Variants in CDH10 observed in about 807,000 individuals in gnomAD.
The protein encoded by CDH10 is cadherin-10.
CDH10 carries 30 observed loss-of-function variants against 73.1 expected under a neutral mutation model. That is an observed-to-expected ratio of 0.41 (90% confidence interval 0.31 to 0.56). CDH10 has a LOEUF of 0.56. Among genes scored for constraint, CDH10 ranks in the 20% least tolerant of loss-of-function variants. CDH10 has a pLI of 0.27. For missense variants in CDH10, 815 were observed against 973.7 expected (o/e 0.84, Z 2.17); for synonymous variants, 345 against 348.2 (o/e 0.99, Z 0.10).
Position 24,640,264 on chromosome 5 carries a change from A to T in CDH10, c.-124+4330T>A, listed in dbSNP as rs185998832. On this transcript the variant is annotated intron_variant, in intron 1 of 11. Coordinates refer to ENST00000264463, the MANE Select transcript of CDH10 (RefSeq NM_006727.5). ...GGAAGGAGAGAAAAGGAAAAAAGAGAGGGAGATGGAAATAGATATAGATTT... is the reference window on the plus strand; with the variant it reads ...GGAAGGAGAGAAAAGGAAAAAAGAGTGGGAGATGGAAATAGATATAGATTT... Among the ~76,000 whole-genome samples the T allele has an allele frequency of 3.3e-5, 5 of 151,718 alleles. No individual in the cohort carries two copies. In the East Asian group the frequency reaches 9.7e-4, roughly 29 times the overall value.
At chr5:24,509,531 G>A (rs1742819458) in intron 7 of CDH10, 35 bp downstream of exon 7, 1 of 1,605,472 alleles carries the variant, frequency 6.2e-7, no homozygotes, top group Non-Finnish European at 8.5e-7. Flanking sequence ...GAGCCACCGA[G>A]CCCGGCTGTT....
chr5:24,586,013 G>A (rs1043735844), intron 2 of CDH10, among the ~76,000 whole-genome samples: 25 of 152,188 alleles, frequency 1.6e-4, no homozygotes, highest in African/African-American at 4.8e-4. Context: ...ACATTTTTTG[G>A]GGTGGTATTT....
intron 2 of CDH10, among the ~76,000 whole-genome samples, chr5:24,549,830 G>C (rs1175554506): frequency 1.3e-5 from 2 of 152,070 alleles, no homozygotes; most frequent in African/African-American, 4.8e-5. Flanking sequence ...GAGATTACAG[G>C]CGTGAGCCAC....
intron 1 of CDH10, among the ~76,000 whole-genome samples, chr5:24,596,680 T>G (rs1277374356): frequency 6.6e-6 from 1 of 151,972 alleles, no homozygotes; most frequent in Non-Finnish European, 1.5e-5. Flanking sequence ...ATTTCAACCC[T>G]GATATGTAAC....
In CDH10 at chr5:24,487,550, A is replaced by C; in HGVS notation, c.*113T>G. 1.0e-6 allele frequency: 1 copy of C among 996,828 alleles called. No homozygotes were observed. The highest frequency in any genetic ancestry group is 2.4e-4 in the Middle Eastern group (1 of 4,194). 61.7% of individuals were successfully genotyped at this position (996,828 alleles called of 1,614,324 possible). A position where few individuals can be genotyped will look rare whatever the true frequency, so the allele number is the denominator to read the frequency against. Reference sequence around the variant, plus strand: ...ATGAACAAATTAAGAAGTAAATGAGAAAAAAAATTGTGCTGACTGGCAGGA... The same window carrying C: ...ATGAACAAATTAAGAAGTAAATGAGCAAAAAAATTGTGCTGACTGGCAGGA... On this transcript the variant is annotated 3_prime_UTR_variant, in exon 12 of 12. Coordinates refer to ENST00000264463, the MANE Select transcript of CDH10 (RefSeq NM_006727.5).
intron 2 of CDH10, among the ~76,000 whole-genome samples, chr5:24,560,856 T>G (rs1744935130): frequency 6.6e-6 from 1 of 152,168 alleles, no homozygotes; most frequent in African/African-American, 2.4e-5. Flanking sequence ...CTGTGGTGTT[T>G]TACATATATT....
intron 11 of CDH10, among the ~76,000 whole-genome samples, chr5:24,490,889 A>G (rs556054107): frequency 9.2e-5 from 14 of 152,200 alleles, no homozygotes; most frequent in Admixed American, 2.6e-4. Context: ...TGTTATTCTA[A>G]CAAATGTTAT....
chr5:24,534,986 T>A (rs1743893108), intron 5 of CDH10, 126 bp downstream of exon 5: 2 of 856,968 alleles, frequency 2.3e-6, no homozygotes, highest in South Asian at 3.9e-5. Context: ...TACTTTTGTA[T>A]CACATTTTCA....
intron 5 of CDH10, among the ~76,000 whole-genome samples, chr5:24,513,429 T>C (rs1742992997): frequency 6.6e-6 from 1 of 152,064 alleles, no homozygotes; most frequent in South Asian, 2.1e-4. Context: ...CAAAGCTGAC[T>C]GTTTGTTGGG....
intron 1 of CDH10, among the ~76,000 whole-genome samples, chr5:24,616,415 G>T (rs909382098): frequency 6.6e-5 from 10 of 151,952 alleles, no homozygotes; most frequent in African/African-American, 2.2e-4. Context: ...CTACACTTGG[G>T]GGTCGGATTT....
intron 5 of CDH10, among the ~76,000 whole-genome samples, chr5:24,528,009 G>A (rs1035148246): frequency 1.3e-5 from 2 of 151,758 alleles, no homozygotes; most frequent in African/African-American, 4.8e-5. Flanking sequence ...CACAGTTCTT[G>A]GCACATAGTA....
chr5:24,643,921 G>C (rs546307555), intron 1 of CDH10, among the ~76,000 whole-genome samples: 1 of 152,208 alleles, frequency 6.6e-6, no homozygotes, highest in African/African-American at 2.4e-5. Context: ...AATAAATGCT[G>C]CAACTGCTGA....
At chr5:24,521,822 A>G (rs967786983) in intron 5 of CDH10, among the ~76,000 whole-genome samples, 6 of 152,222 alleles carry the variant, frequency 3.9e-5, no homozygotes, top group African/African-American at 1.4e-4. Context: ...GAAAAAAGGA[A>G]GGATGTAAAT....
rs1390671522 is a variant in CDH10 at position 24,522,480 on chromosome 5, C to A, written c.815-10966G>T. On this transcript the variant is annotated intron_variant, in intron 5 of 11. Coordinates refer to ENST00000264463, the MANE Select transcript of CDH10 (RefSeq NM_006727.5). ...AGATCCAGAAAGTTCAAATCCAAAG[C>A]AAGAAAGTAAATAAAATAAAATAAA... is the stretch of plus-strand genomic sequence containing the variant. 2.1e-5 allele frequency among the ~76,000 whole-genome samples: 3 copies of A among 141,878 alleles called. No individual in the cohort carries two copies. In the Admixed American group the frequency reaches 2.2e-4, roughly 10 times the overall value. The allele number at this position is 141,878 out of a possible 152,430, so 93.1% of individuals were successfully genotyped here. A position where few individuals can be genotyped will look rare whatever the true frequency, so the allele number is the denominator to read the frequency against.
intron 2 of CDH10, among the ~76,000 whole-genome samples, chr5:24,571,358 G>A (rs1745373602): frequency 6.6e-6 from 1 of 152,038 alleles, no homozygotes. Context: ...ATTAAGCTAA[G>A]AAAAGACTGA....
At chr5:24,614,128 T>C (rs1056748113) in intron 1 of CDH10, among the ~76,000 whole-genome samples, 4 of 152,158 alleles carry the variant, frequency 2.6e-5, no homozygotes, top group Non-Finnish European at 5.9e-5. Context: ...GTCAGTGTCA[T>C]TACATATCTA....
In CDH10 at chr5:24,616,124, T is replaced by TA. The variant is rs11326457; in HGVS notation, c.-123-22512dup. The stretch of plus-strand genomic sequence containing the variant: ...CATAAATTTAGTTCTTTCAGAAAGT[T>TA]AAAAAAAAAAAGAAAGAGGAAGGTG... On this transcript the variant is annotated intron_variant, in intron 1 of 11. Transcript: ENST00000264463. 1.5e-3 allele frequency among the ~76,000 whole-genome samples: 216 copies of TA among 147,126 alleles called. 2 individuals carry two copies. The East Asian group carries it at 0.017, about 11-fold the overall frequency.
intron 5 of CDH10, among the ~76,000 whole-genome samples, chr5:24,534,521 T>C (rs1430447807): frequency 2.0e-5 from 3 of 152,102 alleles, no homozygotes; most frequent in African/African-American, 7.2e-5. Context: ...CTAATCTATT[T>C]TAAGAATTTG....
At chr5:24,490,207 C>T (rs968921327) in intron 11 of CDH10, among the ~76,000 whole-genome samples, 9 of 151,592 alleles carry the variant, frequency 5.9e-5, no homozygotes, top group Non-Finnish European at 1.0e-4. Context: ...AGTATAAATC[C>T]CCCAAATAAA....
Sources: gnomAD v4.1 joint callset for allele counts (sites outside exome capture counted in the v4.1 genomes callset) on GRCh38, gnomAD v4.1.1 for gene constraint, MANE v1.5 for transcripts, NCBI Gene and HGNC (gene_info 2026-07-23, HGNC 2026-07-21) for gene names.